The following VTI1A variants were observed in gnomAD, a reference collection of about 807,000 sequenced individuals.
VTI1A encodes vesicle transport through interaction with t-SNAREs 1A.
In VTI1A, 22 loss-of-function variants were observed where a neutral mutation model predicts 34.9. The ratio of observed to expected loss-of-function variants is 0.63; its 90% CI spans 0.45 to 0.90. The LOEUF (loss-of-function observed/expected upper bound fraction) is 0.90. Among genes scored for constraint, VTI1A ranks in the 40% least tolerant of loss-of-function variants. The pLI, the probability that VTI1A is intolerant of heterozygous loss-of-function variation, is 0.00. For missense variants in VTI1A, 268 were observed against 275.6 expected, an observed-to-expected ratio of 0.97 and a Z score of 0.20; for synonymous variants, 87 against 97.3, an observed-to-expected ratio of 0.89 and a Z score of 0.62.
At chr10:112,753,067 GA>G (rs11289155) in intron 7 of VTI1A, among the ~76,000 whole-genome samples, 57,713 of 151,576 alleles carry the variant, frequency 0.38, 13,800 homozygotes, top group African/African-American at 0.68. Flanking sequence ...TTATACATTG[GA>G]AAAAAATTAC....
chr10:112,822,748 G>A (rs142366059), downstream of VTI1A, among the ~76,000 whole-genome samples: 28 of 152,288 alleles, frequency 1.8e-4, no homozygotes, highest in African/African-American at 6.5e-4. Flanking sequence ...GCTTCACTGA[G>A]CTCATTATTA....
chr10:112,821,246 G>C (rs762178488), downstream of VTI1A, among the ~76,000 whole-genome samples: 1 of 152,154 alleles, frequency 6.6e-6, no homozygotes, highest in South Asian at 2.1e-4. Flanking sequence ...CGTATTGATC[G>C]GCTGCAAACC....
intron 7 of VTI1A, among the ~76,000 whole-genome samples, chr10:112,735,259 G>T (rs141065001): frequency 2.6e-5 from 4 of 152,124 alleles, no homozygotes; most frequent in Non-Finnish European, 4.4e-5. Flanking sequence ...TGATAGACTC[G>T]ATTGAATTTA....
At chr10:112,740,574 G>T (rs566334444) in intron 7 of VTI1A, among the ~76,000 whole-genome samples, 1 of 152,180 alleles carries the variant, frequency 6.6e-6, no homozygotes, top group Admixed American at 6.5e-5. Flanking sequence ...CGTGTGCCAC[G>T]ATGCCCATCC....
At chr10:112,711,902 C>T (rs982810903) in intron 7 of VTI1A, among the ~76,000 whole-genome samples, 1 of 152,084 alleles carries the variant, frequency 6.6e-6, no homozygotes, top group Non-Finnish European at 1.5e-5. Flanking sequence ...ATCTTTGTCC[C>T]ACTTTATCTT....
chr10:112,494,648 A>T (rs1034091881), intron 3 of VTI1A, among the ~76,000 whole-genome samples: 1 of 152,152 alleles, frequency 6.6e-6, no homozygotes, highest in African/African-American at 2.4e-5. Flanking sequence ...AGCTGGGATT[A>T]CAGGTGCATG....
chr10:112,524,526 C>A (rs929947874), intron 3 of VTI1A, among the ~76,000 whole-genome samples: 5 of 152,112 alleles, frequency 3.3e-5, no homozygotes, highest in Non-Finnish European at 5.9e-5. Flanking sequence ...TTTATAGGGA[C>A]CACCCTTCAA....
chr10:112,736,835 T>C (rs1850497971), intron 7 of VTI1A: 1 of 1,117,274 alleles, frequency 9.0e-7, no homozygotes. Flanking sequence ...AGAAGCCTTC[T>C]CACTGAAAGA....
chr10:112,785,039 CTG>C (rs888038956), intron 7 of VTI1A, among the ~76,000 whole-genome samples: 5 of 152,178 alleles, frequency 3.3e-5, no homozygotes, highest in Non-Finnish European at 7.3e-5. Flanking sequence ...CCCCCGTTGG[CTG>C]TGGATTTTAG....
chr10:112,531,063 T>TCACACACACACACACACACACA (rs10670312), intron 4 of VTI1A, among the ~76,000 whole-genome samples: 4 of 139,920 alleles, frequency 2.9e-5, no homozygotes, highest in East Asian at 2.2e-4. Context: ...GTGACACACC[T>TCACACACACACACACACACACA]CACACACACA....
chr10:112,710,607 A>G (rs1849378491), intron 7 of VTI1A, among the ~76,000 whole-genome samples: 1 of 152,212 alleles, frequency 6.6e-6, no homozygotes, highest in Admixed American at 6.5e-5. Context: ...GAATGACCTA[A>G]CTTGTTTATA....
intron 7 of VTI1A, among the ~76,000 whole-genome samples, chr10:112,774,814 C>CGT (rs753535707): frequency 6.6e-6 from 1 of 152,072 alleles, no homozygotes; most frequent in South Asian, 2.1e-4. Flanking sequence ...AAACAGATTT[C>CGT]GTGTGTGTGC....
At chr10:112,799,924 CAGAG>C (rs59003027) in intron 7 of VTI1A, among the ~76,000 whole-genome samples, 27 of 148,148 alleles carry the variant, frequency 1.8e-4, no homozygotes, top group Admixed American at 3.4e-4. Flanking sequence ...CCCTGGAGCC[CAGAG>C]AGAGAGAGAG....
At chr10:112,791,907 G>T (rs1204533164) in intron 7 of VTI1A, among the ~76,000 whole-genome samples, 3 of 151,790 alleles carry the variant, frequency 2.0e-5, no homozygotes, top group African/African-American at 7.3e-5. Flanking sequence ...TGCATAGCAG[G>T]GGAAAAGAGA....
At chr10:112,550,307 C>G (rs1291378723) in intron 5 of VTI1A, among the ~76,000 whole-genome samples, 2 of 150,320 alleles carry the variant, frequency 1.3e-5, no homozygotes, top group Admixed American at 6.6e-5. Context: ...AATTTTTAAT[C>G]AAGTTTATTT....
intron 7 of VTI1A, among the ~76,000 whole-genome samples, chr10:112,704,794 T>C (rs1174320690): frequency 2.6e-5 from 4 of 151,676 alleles, no homozygotes; most frequent in Non-Finnish European, 5.9e-5. Flanking sequence ...ATCTACATGA[T>C]AAAAATGATG....
chr10:112,808,846 C>T (rs1198030694), intron 7 of VTI1A, among the ~76,000 whole-genome samples: 7 of 152,132 alleles, frequency 4.6e-5, no homozygotes, highest in Admixed American at 1.3e-4. Flanking sequence ...TTCAGGCAGC[C>T]TCGTCCGGTA....
intron 5 of VTI1A, among the ~76,000 whole-genome samples, chr10:112,560,648 G>C (rs1485893577): frequency 6.7e-6 from 1 of 149,068 alleles, no homozygotes; most frequent in Non-Finnish European, 1.5e-5. Context: ...CCAGTCTGGA[G>C]TGCAGTGGCA....
chr10:112,835,394 G>A, the VTI1A span, among the ~76,000 whole-genome samples: 3 of 152,188 alleles, frequency 2.0e-5, no homozygotes, highest in Admixed American at 1.3e-4. Flanking sequence ...CTATCTGGGG[G>A]GCCTTCGAGG....
Sources: gnomAD v4.1 joint callset for allele counts (sites outside exome capture counted in the v4.1 genomes callset) on GRCh38, gnomAD v4.1.1 for gene constraint, MANE v1.5 for transcripts, NCBI Gene and HGNC (gene_info 2026-07-23, HGNC 2026-07-21) for gene names.